ZNF680: variants seen among roughly 807,000 people sequenced by gnomAD.
ZNF680 encodes the protein zinc finger protein 680, also known as hypothetical protein FLJ90430.
In ZNF680, 6 loss-of-function variants were observed where a neutral mutation model predicts 12.1. That is an observed-to-expected ratio of 0.49 (90% CI 0.27 to 0.98). The LOEUF (loss-of-function observed/expected upper bound fraction) is 0.98. Among genes scored for constraint, ZNF680 ranks in the 50% least tolerant of loss-of-function variants. The pLI, the probability that ZNF680 is intolerant of heterozygous loss-of-function variation, is 0.12. For missense variants in ZNF680, 561 were observed against 616.3 expected (o/e 0.91, Z 0.95); for synonymous variants, 170 against 199.3 (o/e 0.85, Z 1.24).
chr7:64,501,773 C>T, the ZNF680 span: 2 of 766,992 alleles, frequency 2.6e-6, no homozygotes, highest in East Asian at 2.9e-5. Flanking sequence ...ATTTGTTTAC[C>T]TAGGTGCTTC....
intron 3 of ZNF680, among the ~76,000 whole-genome samples, chr7:64,533,703 T>C (rs954590630): frequency 3.9e-5 from 6 of 152,068 alleles, no homozygotes; most frequent in African/African-American, 7.2e-5. Flanking sequence ...AGAGCCCACA[T>C]AGCCAAAGCA....
chr7:64,556,969 G>A (rs1358904690), intron 1 of ZNF680, among the ~76,000 whole-genome samples: 1 of 152,188 alleles, frequency 6.6e-6, no homozygotes, highest in African/African-American at 2.4e-5. Context: ...CCATAAGGCG[G>A]GACGGGTACA....
the ZNF680 span, among the ~76,000 whole-genome samples, chr7:64,500,319 T>C: frequency 6.6e-6 from 1 of 151,818 alleles, no homozygotes; most frequent in Admixed American, 6.6e-5. Flanking sequence ...AAAAAAGATA[T>C]AAAAACAAAT....
chr7:64,561,862 G>C (rs1412457772), intron 1 of ZNF680, among the ~76,000 whole-genome samples: 1 of 148,810 alleles, frequency 6.7e-6, no homozygotes, highest in Non-Finnish European at 1.5e-5. Flanking sequence ...GTCAACCCAG[G>C]AGGCGGAGCT....
intron 1 of ZNF680, among the ~76,000 whole-genome samples, chr7:64,550,186 T>A (rs926617608): frequency 6.6e-6 from 1 of 152,238 alleles, no homozygotes; most frequent in Admixed American, 6.5e-5. Context: ...TAGAAATTCT[T>A]ATTTATTTAC....
At chr7:64,518,109 A>C (rs1423862678), downstream of ZNF680, among the ~76,000 whole-genome samples, 1 of 151,972 alleles carries the variant, frequency 6.6e-6, no homozygotes, top group Non-Finnish European at 1.5e-5. Flanking sequence ...AAAGAAATAA[A>C]GGGCATCCAA....
Position 64,521,313 on chromosome 7 carries a change from T to G in ZNF680, c.1441A>C (p.Lys481Gln). 1 of 1,613,654 alleles carries G rather than the reference T, an allele frequency of 6.2e-7. No individual in the cohort carries two copies. The highest frequency in any genetic ancestry group is 8.5e-7 in the Non-Finnish European group (1 of 1,179,674). The change falls in exon 4 of 4, where the codon AAG becomes CAG. Residue 481 changes from lysine to glutamine, a missense_variant. Transcript: ENST00000309683. Reference sequence around the variant, plus strand: ...GGTTTCTCTCTAGCATGAATTCTCTTATGATTAGCAAGAGTTGCAGGCCAG... The same window carrying G: ...GGTTTCTCTCTAGCATGAATTCTCTGATGATTAGCAAGAGTTGCAGGCCAG... ...FNWPATLANH[K>Q]RIHAREKPYK...
At chr7:64,552,893 A>G (rs1787159273) in intron 1 of ZNF680, among the ~76,000 whole-genome samples, 1 of 152,234 alleles carries the variant, frequency 6.6e-6, no homozygotes, top group South Asian at 2.1e-4. Context: ...TGGGAGGTCA[A>G]GATGGGCAGA....
chr7:64,544,569 C>G (rs1421687349), intron 1 of ZNF680, 137 bp from the exon 2 acceptor site: 3 of 1,369,244 alleles, frequency 2.2e-6, no homozygotes, highest in East Asian at 2.8e-5. Flanking sequence ...AGGAGTGAGT[C>G]AAATTATACA....
chr7:64,538,447 G>C (rs562874509), intron 3 of ZNF680, among the ~76,000 whole-genome samples: 2 of 149,378 alleles, frequency 1.3e-5, no homozygotes, highest in East Asian at 3.9e-4. Flanking sequence ...CTTAGAAGTG[G>C]ACAAATAATT....
At chr7:64,531,138 A>T (rs1470259870) in intron 3 of ZNF680, among the ~76,000 whole-genome samples, 2 of 152,130 alleles carry the variant, frequency 1.3e-5, no homozygotes, top group African/African-American at 4.8e-5. Flanking sequence ...GACTTAACAG[A>T]TATATACAAA....
chr7:64,505,723 G>T, the ZNF680 span, among the ~76,000 whole-genome samples: 1 of 151,668 alleles, frequency 6.6e-6, no homozygotes, highest in Non-Finnish European at 1.5e-5. Context: ...TTTATCTTAG[G>T]CTATCTCAGA....
chr7:64,524,953 T>G (rs1422905422), intron 3 of ZNF680: 1 of 152,142 alleles, frequency 6.6e-6, no homozygotes, highest in Non-Finnish European at 1.5e-5. Context: ...TAATTAATCT[T>G]GTGAAGATGT....
intron 1 of ZNF680, among the ~76,000 whole-genome samples, chr7:64,553,735 G>A (rs1038735223): frequency 6.6e-6 from 1 of 150,588 alleles, no homozygotes; most frequent in Non-Finnish European, 1.5e-5. Context: ...GCAGGCGCGC[G>A]CCGCCACGCC....
chr7:64,534,516 T>C (rs1352967479), intron 3 of ZNF680, among the ~76,000 whole-genome samples: 3 of 152,178 alleles, frequency 2.0e-5, no homozygotes, highest in African/African-American at 7.2e-5. Context: ...AAACAGTAGA[T>C]GCTGGCACAG....
the ZNF680 span, among the ~76,000 whole-genome samples, chr7:64,503,756 CT>C: frequency 6.6e-6 from 1 of 152,238 alleles, no homozygotes; most frequent in East Asian, 1.9e-4. Context: ...TATCTGCATC[CT>C]CCTTTTTCTT....
At chr7:64,523,081 T>C (rs1791630593) in intron 3 of ZNF680, among the ~76,000 whole-genome samples, 1 of 152,090 alleles carries the variant, frequency 6.6e-6, no homozygotes, top group Non-Finnish European at 1.5e-5. Context: ...TAAAAATACA[T>C]AACTTTATGA....
At chr7:64,559,634 C>T (rs936128273) in intron 1 of ZNF680, among the ~76,000 whole-genome samples, 1 of 152,002 alleles carries the variant, frequency 6.6e-6, no homozygotes. Context: ...GTGCCCACTA[C>T]CACATGTGGC....
At chr7:64,516,573 T>C (rs76037421), downstream of ZNF680, among the ~76,000 whole-genome samples, 1,106 of 152,172 alleles carry the variant, frequency 7.3e-3, 11 homozygotes, top group African/African-American at 0.024. Flanking sequence ...AGATAGAAAG[T>C]CAATAAAGAA....
Sources: gnomAD v4.1 joint callset for allele counts (sites outside exome capture counted in the v4.1 genomes callset) on GRCh38, gnomAD v4.1.1 for gene constraint, MANE v1.5 for transcripts, NCBI Gene and HGNC (gene_info 2026-07-23, HGNC 2026-07-21) for gene names.